The following GAL3ST2 variants were observed in gnomAD, a reference collection of about 807,000 sequenced individuals.
GAL3ST2 encodes the protein beta-galactose-3-O-sulfotransferase 2.
GAL3ST2 carries 16 observed loss-of-function variants against 12.9 expected under a neutral mutation model. The observed-to-expected ratio is 1.24, with a 90% CI of 0.84 to 1.88. The LOEUF (loss-of-function observed/expected upper bound fraction) is 1.88. Among genes scored for constraint, GAL3ST2 ranks in the 40% most tolerant of loss-of-function variants. GAL3ST2 has a pLI of 0.00. For synonymous variants in GAL3ST2, 302 were observed against 273.9 expected (o/e 1.10, Z -1.01); for missense variants, 639 against 571.8 (o/e 1.12, Z -1.20).
chr2:241,787,492 C>G (rs1193046300), intron 1 of GAL3ST2, among the ~76,000 whole-genome samples: 1 of 151,642 alleles, frequency 6.6e-6, no homozygotes, highest in Non-Finnish European at 1.5e-5. Flanking sequence ...CCTAATCTCC[C>G]CAAATTGGTC....
At chr2:241,798,714 C>G (rs1285713015) in intron 1 of GAL3ST2, among the ~76,000 whole-genome samples, 1 of 152,136 alleles carries the variant, frequency 6.6e-6, no homozygotes, top group Non-Finnish European at 1.5e-5. Context: ...ATACAGTCTC[C>G]CAGGGGGCCC....
rs369162002 is a variant in GAL3ST2 at position 241,803,988 on chromosome 2, G to A, written c.1019G>A (p.Arg340His). 8.4e-6 allele frequency: 13 copies of A among 1,553,780 alleles called. No homozygotes were observed. The highest frequency in any genetic ancestry group is 1.4e-5 in the African/African-American group (1 of 71,358). ...ACGCAGATCAGAGACCCGCGCCTGC[G>A]CCCCTACCAGTCCGGCAAGGCCGAC... Reference protein sequence around the residue: ...NHTQIRDPRLRPYQSGKADIL... With the variant: ...NHTQIRDPRLHPYQSGKADIL... The change falls in exon 4 of 4, where the codon CGC becomes CAC. Residue 340 changes from arginine (R) to histidine (H), a missense_variant. Transcript: ENST00000192314.
rs1186291991 is a variant in GAL3ST2, at chr2:241,800,721, C to T, written c.120-1060C>T. On this transcript the variant is annotated intron_variant, in intron 2 of 3. Transcript: ENST00000192314. The surrounding 1 kb of genome is among the most constrained non-coding windows in gnomAD (Gnocchi z 5.2). ...TTCTGGCTGGGGGAGCAGGGGTCAG[C>T]GAGGCAGCGTCTGGCAGCGGGTGAG... Among the ~76,000 whole-genome samples, 2 of 152,154 alleles carry T rather than the reference C, an allele frequency of 1.3e-5. No homozygotes were observed. The highest frequency in any genetic ancestry group is 2.9e-5 in the Non-Finnish European group (2 of 68,036).
At chr2:241,781,266 ATTACT>A (rs1699563105) in intron 1 of GAL3ST2, among the ~76,000 whole-genome samples, 1 of 152,212 alleles carries the variant, frequency 6.6e-6, no homozygotes. Flanking sequence ...CGTTAAAAAG[ATTACT>A]TTAGTCTTCT....
chr2:241,788,538 GAA>G (rs1699654939), intron 1 of GAL3ST2, among the ~76,000 whole-genome samples: 1 of 152,134 alleles, frequency 6.6e-6, no homozygotes, highest in East Asian at 1.9e-4. Context: ...GAACTGAACT[GAA>G]CTGTTGTTTT....
At chr2:241,790,493 G>A (rs1425515721) in intron 1 of GAL3ST2, among the ~76,000 whole-genome samples, 1 of 152,102 alleles carries the variant, frequency 6.6e-6, no homozygotes, top group Non-Finnish European at 1.5e-5. Flanking sequence ...TAAGGACTAA[G>A]CTCTGATTTT....
chr2:241,784,528 C>T (rs889782669), intron 1 of GAL3ST2, among the ~76,000 whole-genome samples: 2 of 152,126 alleles, frequency 1.3e-5, no homozygotes, highest in African/African-American at 2.4e-5. Context: ...ATTATTTTAC[C>T]AATGATTTAA....
chr2:241,786,912 C>T (rs755103053), intron 1 of GAL3ST2, among the ~76,000 whole-genome samples: 1 of 152,314 alleles, frequency 6.6e-6, no homozygotes, highest in East Asian at 1.9e-4. Flanking sequence ...AAATGTCAAA[C>T]TGGGAACTGC....
At chr2:241,799,980 C>T (rs1160943201) in intron 2 of GAL3ST2, among the ~76,000 whole-genome samples, 1 of 152,244 alleles carries the variant, frequency 6.6e-6, no homozygotes, top group African/African-American at 2.4e-5. Flanking sequence ...CCTTCCTTTT[C>T]CTGGTGTGAA....
At chr2:241,792,508 C>A (rs535413590) in intron 1 of GAL3ST2, among the ~76,000 whole-genome samples, 235 of 152,224 alleles carry the variant, frequency 1.5e-3, no homozygotes, top group Admixed American at 3.2e-3. Flanking sequence ...TGGCCTATAT[C>A]GATTTTTGCA....
At chr2:241,787,604 A>G (rs1326491442) in intron 1 of GAL3ST2, among the ~76,000 whole-genome samples, 1 of 139,968 alleles carries the variant, frequency 7.1e-6, no homozygotes, top group African/African-American at 2.8e-5. Flanking sequence ...TACTGCTTCC[A>G]TGACGATGGA....
chr2:241,793,112 G>A lies in GAL3ST2; in HGVS notation c.30-5953G>A, dbSNP rs1234298554. Among the ~76,000 whole-genome samples, 1 of 152,158 alleles carries A rather than the reference G, an allele frequency of 6.6e-6. No homozygotes were observed. Among genetic ancestry groups the A allele is most frequent in the East Asian group, 1.9e-4 (1 of 5,196 alleles). ...AGCCAGACTGTGCCCTGACCACCTT[G>A]GGCACACGTCATCAGGACCTCCTGA... On this transcript the variant is annotated intron_variant, in intron 1 of 3. Transcript: ENST00000192314. This position sits in a 1 kb window ranked among gnomAD's most constrained non-coding sequence, Gnocchi z 4.7.
intron 1 of GAL3ST2, among the ~76,000 whole-genome samples, chr2:241,780,064 C>T (rs1350625376): frequency 6.6e-6 from 1 of 150,942 alleles, no homozygotes; most frequent in Non-Finnish European, 1.5e-5. Context: ...CTAGCTTATT[C>T]CAAATTAGGA....
Position 241,793,662 on chromosome 2 carries a change from G to A in GAL3ST2, c.30-5403G>A, listed in dbSNP as rs914403018. ...GTGTACATATTGTGTATGCATATGT[G>A]TGTGTATGCACATATTGTGTATGTG... On this transcript the variant is annotated intron_variant, in intron 1 of 3. Transcript: ENST00000192314. The surrounding 1 kb of genome is among the most constrained non-coding windows in gnomAD (Gnocchi z 4.7). Among the ~76,000 whole-genome samples, 87 of 151,664 alleles carry A rather than the reference G, an allele frequency of 5.7e-4. No individual in the cohort carries two copies. Among genetic ancestry groups the A allele is most frequent in the African/African-American group, 1.7e-3 (72 of 41,276 alleles).
chr2:241,778,118 G>A (rs2125187792), intron 1 of GAL3ST2, among the ~76,000 whole-genome samples: 1 of 152,346 alleles, frequency 6.6e-6, no homozygotes, highest in East Asian at 1.9e-4. Context: ...AGCACGGCCT[G>A]CAGGAGGGAA....
intron 1 of GAL3ST2, among the ~76,000 whole-genome samples, chr2:241,798,708 A>C (rs1324947583): frequency 6.6e-6 from 1 of 152,096 alleles, no homozygotes; most frequent in African/African-American, 2.4e-5. Flanking sequence ...CGTCCCATAC[A>C]GTCTCCCAGG....
rs1575370028 is a variant in GAL3ST2 at position 241,804,168 on chromosome 2, G to C, written c.*2G>C. On this transcript the variant is annotated 3_prime_UTR_variant, in exon 4 of 4. Transcript: ENST00000192314. ...AACATCCCGTTCCTGGGGGCGTAGA[G>C]GGGCCGGGCCGGGGACGAGGCCTCC... The C allele has an allele frequency of 7.0e-7, 1 of 1,428,596 alleles. No homozygotes were observed. Among genetic ancestry groups the C allele is most frequent in the Non-Finnish European group, 9.2e-7 (1 of 1,084,776 alleles). 88.5% of individuals were successfully genotyped at this position (1,428,596 alleles called of 1,614,324 possible).
At chr2:241,798,926 G>A in intron 1 of GAL3ST2, 139 bp from the exon 2 acceptor site, 1 of 703,930 alleles carries the variant, frequency 1.4e-6, no homozygotes, top group South Asian at 1.6e-5. Flanking sequence ...CACCCAGTGG[G>A]TTTGAGGACA....
chr2:241,780,506 G>A (rs968798549), intron 1 of GAL3ST2, among the ~76,000 whole-genome samples: 12 of 152,274 alleles, frequency 7.9e-5, no homozygotes, highest in East Asian at 3.9e-4. Context: ...GTGACAGAGC[G>A]AGACTGTCTC....
Sources: gnomAD v4.1 joint callset for allele counts (sites outside exome capture counted in the v4.1 genomes callset) on GRCh38, gnomAD v4.1.1 for gene constraint, Gnocchi (gnomAD v3.1) non-coding constraint, MANE v1.5 for transcripts, NCBI Gene and HGNC (gene_info 2026-07-23, HGNC 2026-07-21) for gene names.